Variants in GPHN observed in about 807,000 individuals in gnomAD.
GPHN encodes gephyrin.
A neutral mutation model predicts 95.5 loss-of-function variants in GPHN; 17 were observed. That is an observed-to-expected ratio of 0.18 (90% CI 0.12 to 0.27). The LOEUF (loss-of-function observed/expected upper bound fraction) is 0.27, where lower values mean the gene tolerates loss of function less well. GPHN is among the 10% of genes least tolerant of loss of function. GPHN has a pLI of 1.00. For missense variants in GPHN, 660 were observed against 978.1 expected, an observed-to-expected ratio of 0.67 and a Z score of 4.34; for synonymous variants, 320 against 322.5, an observed-to-expected ratio of 0.99 and a Z score of 0.08.
chr14:66,969,696 G>A (rs1250795332), intron 9 of GPHN: 1 of 151,994 alleles, frequency 6.6e-6, no homozygotes, highest in Admixed American at 6.6e-5. Flanking sequence ...AGCTTCTTGG[G>A]AGGCTGAGGT....
chr14:67,390,816 G>A, the GPHN span: 12 of 1,089,490 alleles, frequency 1.1e-5, no homozygotes, highest in South Asian at 1.2e-4. Flanking sequence ...ATCTATGCAT[G>A]TAATGCCAAA....
chr14:67,331,278 C>G, the GPHN span, among the ~76,000 whole-genome samples: 1 of 152,218 alleles, frequency 6.6e-6, no homozygotes, highest in African/African-American at 2.4e-5. Context: ...CTCCCGGCCC[C>G]ATGTGATCCA....
Position 66,857,666 on chromosome 14 carries a change from G to T in GPHN, c.295-22273G>T, listed in dbSNP as rs145342290. On this transcript the variant is annotated intron_variant, in intron 4 of 22. Coordinates refer to ENST00000478722, the MANE Select transcript of GPHN (RefSeq NM_020806.5). ...ACACCAAACTTAACAACTCTCCACA[G>T]AAGAAAAGCATCTTTATCAAAACCA... 3.4e-3 allele frequency among the ~76,000 whole-genome samples: 516 copies of T among 152,242 alleles called. 2 individuals are homozygous for T. Among genetic ancestry groups the T allele is most frequent in the African/African-American group, 0.012 (494 of 41,544 alleles).
intron 1 of GPHN, among the ~76,000 whole-genome samples, chr14:66,656,053 T>G (rs8020819): frequency 0.95 from 144,459 of 152,162 alleles, 68,662 homozygotes; most frequent in East Asian, 1. Flanking sequence ...ATATTTGTCT[T>G]TGGGTTTTGT....
chr14:66,754,403 T>C (rs2058486702), intron 2 of GPHN, among the ~76,000 whole-genome samples: 1 of 151,962 alleles, frequency 6.6e-6, no homozygotes, highest in Non-Finnish European at 1.5e-5. Flanking sequence ...CATATCATAA[T>C]ACAGAATGAT....
the GPHN span, among the ~76,000 whole-genome samples, chr14:67,682,991 A>C: frequency 5.4e-3 from 823 of 152,350 alleles, 20 homozygotes; most frequent in Admixed American, 0.04. Context: ...AAGGCCACAT[A>C]CCATATGATT....
At chr14:67,025,348 G>A (rs1469193450) in intron 10 of GPHN, among the ~76,000 whole-genome samples, 1 of 152,136 alleles carries the variant, frequency 6.6e-6, no homozygotes, top group African/African-American at 2.4e-5. Context: ...TATTTTGCAA[G>A]CTGGCCCTGA....
At chr14:66,686,977 C>T (rs2067410005) in intron 2 of GPHN, among the ~76,000 whole-genome samples, 1 of 152,032 alleles carries the variant, frequency 6.6e-6, no homozygotes. Flanking sequence ...TTGAATTTTG[C>T]CAAAGGCCTT....
chr14:67,355,581 G>C, the GPHN span, among the ~76,000 whole-genome samples: 1 of 151,848 alleles, frequency 6.6e-6, no homozygotes, highest in Non-Finnish European at 1.5e-5. Context: ...TTTAGATTGG[G>C]TGATCAGGAA....
the GPHN span, chr14:67,724,412 C>A: frequency 2.0e-3 from 1,587 of 783,556 alleles, no homozygotes; most frequent in East Asian, 3.0e-3. Context: ...TTTTTTTTAA[C>A]GTATCTTAGT....
At chr14:67,064,232 C>T (rs1455839048) in intron 11 of GPHN, among the ~76,000 whole-genome samples, 2 of 152,040 alleles carry the variant, frequency 1.3e-5, no homozygotes, top group African/African-American at 2.4e-5. Context: ...TGATGGATTA[C>T]GTTTATTGAT....
At chr14:67,676,846 A>G in the GPHN span, 1 of 152,222 alleles carries the variant, frequency 6.6e-6, no homozygotes, top group African/African-American at 2.4e-5. Flanking sequence ...ATTCTGGTAA[A>G]TGAAAACAAA....
intron 10 of GPHN, among the ~76,000 whole-genome samples, chr14:67,029,503 A>G (rs1017479780): frequency 1.4e-4 from 22 of 151,906 alleles, no homozygotes; most frequent in African/African-American, 4.4e-4. Flanking sequence ...ACACCCAGCT[A>G]ATTTCGTATT....
At chr14:67,164,099 T>C (rs559780922) in intron 19 of GPHN, among the ~76,000 whole-genome samples, 3 of 151,728 alleles carry the variant, frequency 2.0e-5, no homozygotes, top group African/African-American at 7.3e-5. Context: ...AGAAACCCTG[T>C]CTCCACTAAA....
At chr14:66,753,963 C>T (rs944466216) in intron 2 of GPHN, among the ~76,000 whole-genome samples, 1 of 152,024 alleles carries the variant, frequency 6.6e-6, no homozygotes, top group African/African-American at 2.4e-5. Context: ...TAGAATTATA[C>T]AACATATAGG....
intron 3 of GPHN, among the ~76,000 whole-genome samples, chr14:66,777,028 C>T (rs2059406744): frequency 6.6e-6 from 1 of 151,326 alleles, no homozygotes; most frequent in Admixed American, 6.6e-5. Context: ...CAATGCTATC[C>T]CGAGCTGGTT....
the GPHN span, chr14:67,678,284 G>T: frequency 1.6e-6 from 2 of 1,256,430 alleles, no homozygotes; most frequent in Non-Finnish European, 2.3e-6. Flanking sequence ...TGTGTAGTCT[G>T]CTGCAGTCTT....
At chr14:67,304,923 A>G in the GPHN span, among the ~76,000 whole-genome samples, 2 of 152,220 alleles carry the variant, frequency 1.3e-5, no homozygotes, top group Non-Finnish European at 2.9e-5. Context: ...TTTTCTCTCA[A>G]TATTTCATCA....
the GPHN span, chr14:67,224,678 AT>A: frequency 9.4e-6 from 3 of 319,982 alleles, no homozygotes; most frequent in Non-Finnish European, 1.8e-5. Flanking sequence ...ATTCTTTGAT[AT>A]TTTTTCCAAG....
Sources: gnomAD v4.1 joint callset for allele counts (sites outside exome capture counted in the v4.1 genomes callset) on GRCh38, gnomAD v4.1.1 for gene constraint, MANE v1.5 for transcripts, NCBI Gene and HGNC (gene_info 2026-07-23, HGNC 2026-07-21) for gene names.